Variants in ST8SIA2 observed in about 807,000 individuals in gnomAD.
ST8SIA2 encodes the protein ST8 alpha-N-acetyl-neuraminide alpha-2,8-sialyltransferase 2, also known as alpha-2,8-sialyltransferase 8B.
A neutral mutation model predicts 37.6 loss-of-function variants in ST8SIA2; 22 were observed. That is an observed-to-expected ratio of 0.58 (90% CI 0.42 to 0.83). The LOEUF is 0.83. ST8SIA2 is among the 40% of genes least tolerant of loss of function. ST8SIA2 has a pLI of 0.00. For missense variants in ST8SIA2, 382 were observed against 484.7 expected (o/e 0.79, Z 1.99); for synonymous variants, 205 against 201.2 (o/e 1.02, Z -0.16).
chr15:92,415,338 C>T (rs183195513), intron 1 of ST8SIA2, among the ~76,000 whole-genome samples: 1 of 151,988 alleles, frequency 6.6e-6, no homozygotes, highest in East Asian at 1.9e-4. Flanking sequence ...CTGCCATTTC[C>T]TTAGGGCCTG....
chr15:92,402,852 A>C (rs2049481529), intron 1 of ST8SIA2, among the ~76,000 whole-genome samples: 1 of 135,302 alleles, frequency 7.4e-6, no homozygotes, highest in Admixed American at 6.9e-5. Flanking sequence ...TCATTACCAG[A>C]GAGAGAGAGA....
intron 5 of ST8SIA2, among the ~76,000 whole-genome samples, chr15:92,451,874 T>G (rs2049884636): frequency 6.6e-6 from 1 of 152,148 alleles, no homozygotes; most frequent in South Asian, 2.1e-4. Flanking sequence ...TCACCATCCA[T>G]TTGCCCCTAT....
At position 92,393,939 on chromosome 15, in the gene ST8SIA2, C is replaced by T. The variant is rs1287302362; in HGVS notation, c.-126C>T. On this transcript the variant is annotated 5_prime_UTR_variant, in exon 1 of 6. Transcript: ENST00000268164. Reference sequence around the variant, plus strand: ...GCCGCTGCCGCCGCCGGCCCGGACTCGTCCGGAGCGCAGGGTGTCTGCCCA... The same window carrying T: ...GCCGCTGCCGCCGCCGGCCCGGACTTGTCCGGAGCGCAGGGTGTCTGCCCA... 7.3e-6 allele frequency: 3 copies of T among 411,986 alleles called. No homozygotes were observed. Among genetic ancestry groups the T allele is most frequent in the Middle Eastern group, 7.6e-4 (1 of 1,312 alleles). The allele number at this position is 411,986 out of a possible 1,614,324, so 25.5% of individuals were successfully genotyped here.
In ST8SIA2 at chr15:92,410,439, C is replaced by A. The variant is rs374761480; in HGVS notation, c.98+16277C>A. On this transcript the variant is annotated intron_variant, in intron 1 of 5. Coordinates refer to ENST00000268164, the MANE Select transcript of ST8SIA2 (RefSeq NM_006011.4). The stretch of plus-strand genomic sequence containing the variant: ...TCAATGGAACGTCCTGATAAACTTG[C>A]AGGACGGGGAGCAACAGCATCGTCA... 2.6e-5 allele frequency among the ~76,000 whole-genome samples: 4 copies of A among 152,332 alleles called. 1 individual carries two copies. In the East Asian group the frequency reaches 5.8e-4, roughly 22 times the overall value.
intron 1 of ST8SIA2, among the ~76,000 whole-genome samples, chr15:92,400,513 G>A (rs748621248): frequency 3.3e-5 from 5 of 152,186 alleles, no homozygotes; most frequent in Non-Finnish European, 5.9e-5. Context: ...CGTGGAGGGT[G>A]CATCCCAGTG....
At chr15:92,400,461 T>G (rs956224506) in intron 1 of ST8SIA2, among the ~76,000 whole-genome samples, 16 of 152,222 alleles carry the variant, frequency 1.1e-4, no homozygotes, top group African/African-American at 3.9e-4. Flanking sequence ...TTAAACACCC[T>G]CTGCTTGATC....
intron 1 of ST8SIA2, 76 bp from the exon 2 acceptor site, chr15:92,429,973 G>T (rs985019373): frequency 2.0e-6 from 3 of 1,508,490 alleles, no homozygotes; most frequent in South Asian, 1.1e-5. Flanking sequence ...GTGGGCTATG[G>T]GATCTCCTGG....
rs566360236 is a variant in ST8SIA2 at position 92,461,600 on chromosome 15, T to C, written c.843-2500T>C. ...AAAGGAATCTCAATCTGAGCCTTGG[T>C]AGCAGGAGGCACAAGGAAATAGCGC... is the stretch of plus-strand genomic sequence containing the variant. On this transcript the variant is annotated intron_variant, in intron 5 of 5. Coordinates refer to ENST00000268164, the MANE Select transcript of ST8SIA2 (RefSeq NM_006011.4). Among the ~76,000 whole-genome samples the C allele has an allele frequency of 3.9e-5, 6 of 152,278 alleles. No individual in the cohort carries two copies. The South Asian group carries it at 1.2e-3, about 32-fold the overall frequency.
intron 4 of ST8SIA2, among the ~76,000 whole-genome samples, chr15:92,439,477 C>T (rs891555724): frequency 6.6e-6 from 1 of 152,314 alleles, no homozygotes; most frequent in Non-Finnish European, 1.5e-5. Flanking sequence ...CGCGGAGCCT[C>T]GAGTTTCATT....
chr15:92,422,719 G>A (rs549067437), intron 1 of ST8SIA2: 1 of 152,776 alleles, frequency 6.5e-6, no homozygotes, highest in South Asian at 2.1e-4. Context: ...ACCTCCTCAG[G>A]TGGAAAAGAA....
In ST8SIA2 at chr15:92,448,643, G is replaced by A. The variant is rs565055943; in HGVS notation, c.842+3714G>A. Among the ~76,000 whole-genome samples, 4 of 152,302 alleles carry A rather than the reference G, an allele frequency of 2.6e-5. No homozygotes were observed. In the South Asian group the frequency reaches 8.3e-4, roughly 32 times the overall value. ...AAGACACATGTAATTAATCAATCGT[G>A]CCTACTGTGATTGTGGCAGCTGCCA... On this transcript the variant is annotated intron_variant, in intron 5 of 5. Coordinates refer to ENST00000268164, the MANE Select transcript of ST8SIA2 (RefSeq NM_006011.4).
intron 5 of ST8SIA2, among the ~76,000 whole-genome samples, chr15:92,451,751 G>A (rs1567223438): frequency 6.6e-6 from 1 of 152,148 alleles, no homozygotes; most frequent in Non-Finnish European, 1.5e-5. Context: ...GTCATGAGAG[G>A]ACTACTGCCA....
intron 2 of ST8SIA2, among the ~76,000 whole-genome samples, chr15:92,430,429 C>T (rs962272543): frequency 6.6e-6 from 1 of 152,128 alleles, no homozygotes; most frequent in African/African-American, 2.4e-5. Context: ...GCAATGGAGA[C>T]CCTGAAGGGA....
chr15:92,394,260 C>G lies in ST8SIA2; in HGVS notation c.98+98C>G, dbSNP rs1267516368. On this transcript the variant is annotated intron_variant, in intron 1 of 5. Transcript: ENST00000268164. ...CCGACCCCCTTTGTGTGCGCCGCGC[C>G]CCGCTGTAGCTCCGCTGGAGAGATG... is the stretch of plus-strand genomic sequence containing the variant. 4.7e-6 allele frequency: 5 copies of G among 1,054,986 alleles called. No homozygotes were observed. The African/African-American group carries it at 6.4e-5, about 14-fold the overall frequency. 65.4% of individuals were successfully genotyped at this position (1,054,986 alleles called of 1,614,324 possible).
At chr15:92,454,697 C>T (rs61418133) in intron 5 of ST8SIA2, among the ~76,000 whole-genome samples, 18 of 152,140 alleles carry the variant, frequency 1.2e-4, no homozygotes, top group African/African-American at 2.2e-4. Context: ...GCCAACAAGG[C>T]GGGCTTCAGC....
chr15:92,444,505 G>C, intron 4 of ST8SIA2, 131 bp from the exon 5 acceptor site: 1 of 1,087,996 alleles, frequency 9.2e-7, no homozygotes, highest in Non-Finnish European at 1.4e-6. Flanking sequence ...GCCTGTGAGT[G>C]TGGAGAGATG....
At chr15:92,426,826 C>T (rs1051530318) in intron 1 of ST8SIA2, among the ~76,000 whole-genome samples, 1 of 152,192 alleles carries the variant, frequency 6.6e-6, no homozygotes, top group African/African-American at 2.4e-5. Context: ...TGATGGCTCA[C>T]GCTTGTAATC....
intron 1 of ST8SIA2, among the ~76,000 whole-genome samples, chr15:92,427,986 AAAAC>A (rs373992980): frequency 2.1e-4 from 32 of 152,330 alleles, no homozygotes; most frequent in African/African-American, 6.7e-4. Context: ...CGGTCTCAAA[AAAAC>A]AAACAAACAA....
chr15:92,448,604 C>T (rs2049859259), intron 5 of ST8SIA2, among the ~76,000 whole-genome samples: 1 of 152,230 alleles, frequency 6.6e-6, no homozygotes, highest in South Asian at 2.1e-4. Flanking sequence ...CTGCCTTCCC[C>T]CAGAGCCCCG....
Sources: allele counts gnomAD v4.1 joint callset (sites outside exome capture counted in the v4.1 genomes callset), GRCh38; gene constraint gnomAD v4.1.1; transcripts MANE v1.5; gene names NCBI Gene and HGNC (gene_info 2026-07-23, HGNC 2026-07-21).